Variants in PPM1L observed in about 807,000 individuals in gnomAD.
PPM1L encodes the protein protein phosphatase, Mg2+/Mn2+ dependent 1L, also known as protein phosphatase 1L.
Under a neutral mutation model 31.4 loss-of-function variants are expected in PPM1L, and 13 were observed. That is an observed-to-expected ratio of 0.41 (90% CI 0.27 to 0.66). The LOEUF (loss-of-function observed/expected upper bound fraction) is 0.66. Among genes scored for constraint, PPM1L ranks in the 30% least tolerant of loss-of-function variants. The pLI, the probability that PPM1L is intolerant of heterozygous loss-of-function variation, is 0.29. For missense variants in PPM1L, 326 were observed against 453.7 expected (o/e 0.72, Z 2.56); for synonymous variants, 184 against 175.4 (o/e 1.05, Z -0.39).
intron 1 of PPM1L, among the ~76,000 whole-genome samples, chr3:160,834,224 T>C (rs1713621260): frequency 6.6e-6 from 1 of 151,824 alleles, no homozygotes; most frequent in Non-Finnish European, 1.5e-5. Flanking sequence ...GGGGTTTCAC[T>C]GTGTTAGCCA....
intron 2 of PPM1L, among the ~76,000 whole-genome samples, chr3:161,037,575 C>T (rs527411832): frequency 2.1e-5 from 3 of 143,336 alleles, no homozygotes; most frequent in African/African-American, 5.4e-5. Context: ...CCACCATGCC[C>T]GGCTAATTTT....
At chr3:160,931,366 C>G (rs895370280) in intron 1 of PPM1L, among the ~76,000 whole-genome samples, 2 of 152,116 alleles carry the variant, frequency 1.3e-5, no homozygotes, top group African/African-American at 2.4e-5. Flanking sequence ...GAAGCTGCAC[C>G]CATCACCTGG....
intron 1 of PPM1L, among the ~76,000 whole-genome samples, chr3:160,790,969 GGGA>G (rs1291579766): frequency 6.6e-6 from 1 of 152,106 alleles, no homozygotes; most frequent in Non-Finnish European, 1.5e-5. Flanking sequence ...CAGTGTTCAT[GGGA>G]GGAGGATTCT....
At chr3:161,055,575 T>C in intron 2 of PPM1L, among the ~76,000 whole-genome samples, 1 of 152,156 alleles carries the variant, frequency 6.6e-6, no homozygotes, top group Non-Finnish European at 1.5e-5. Flanking sequence ...GTCAAACCTT[T>C]ACGAGATAAA....
chr3:160,826,339 G>C (rs557988631), intron 1 of PPM1L, among the ~76,000 whole-genome samples: 1 of 152,126 alleles, frequency 6.6e-6, no homozygotes, highest in African/African-American at 2.4e-5. Flanking sequence ...ATGTGGTTTG[G>C]GGTCTTTGTT....
At chr3:161,029,594 C>T (rs1718503081) in intron 2 of PPM1L, among the ~76,000 whole-genome samples, 1 of 152,194 alleles carries the variant, frequency 6.6e-6, no homozygotes, top group Non-Finnish European at 1.5e-5. Context: ...AAAATAATCT[C>T]TAAAAGCACA....
chr3:160,890,025 C>A (rs2108045162), intron 1 of PPM1L, among the ~76,000 whole-genome samples: 1 of 152,164 alleles, frequency 6.6e-6, no homozygotes, highest in East Asian at 1.9e-4. Context: ...TATGACAAAC[C>A]CACAGCCAAT....
Position 160,970,787 on chromosome 3 carries a change from A to ATTCT in PPM1L, c.574+8879_574+8880insCTTT, listed in dbSNP as rs1360956984. ...CAAGCTGATTTTAATTTCAGTTATA[A>ATTCT]TTTTTTTTTTTTTTTTTTTTTTGAG... On this transcript the variant is annotated intron_variant, in intron 2 of 3. Coordinates refer to ENST00000498165, the MANE Select transcript of PPM1L (RefSeq NM_139245.4). Among the ~76,000 whole-genome samples, 10 of 97,194 alleles carry ATTCT rather than the reference A, an allele frequency of 1.0e-4. 3 individuals are homozygous for ATTCT. Among genetic ancestry groups the ATTCT allele is most frequent in the East Asian group, 2.4e-4 (1 of 4,126 alleles). The allele number at this position is 97,194 out of a possible 152,430, so 63.8% of individuals were successfully genotyped here.
At chr3:160,889,968 T>C (rs1713076157) in intron 1 of PPM1L, among the ~76,000 whole-genome samples, 1 of 151,670 alleles carries the variant, frequency 6.6e-6, no homozygotes. Context: ...TGTTAAAAAC[T>C]CAAACTGGGT....
intron 2 of PPM1L, among the ~76,000 whole-genome samples, chr3:161,044,986 A>G (rs1270408581): frequency 6.6e-6 from 1 of 152,216 alleles, no homozygotes; most frequent in Non-Finnish European, 1.5e-5. Flanking sequence ...TCTCTGATAA[A>G]ACAGATTTTA....
intron 2 of PPM1L, among the ~76,000 whole-genome samples, chr3:160,993,388 G>T (rs985038431): frequency 2.6e-5 from 4 of 152,130 alleles, no homozygotes; most frequent in African/African-American, 9.7e-5. Flanking sequence ...GATTTGGGAG[G>T]GTTGGGGGAA....
At chr3:160,904,694 T>C (rs1713681783) in intron 1 of PPM1L, among the ~76,000 whole-genome samples, 1 of 150,894 alleles carries the variant, frequency 6.6e-6, no homozygotes, top group South Asian at 2.1e-4. Flanking sequence ...AGTGTCTTAT[T>C]ATCATAGGCA....
rs904725805 is a variant in PPM1L, at chr3:161,075,565, G to A, written c.*6408G>A. The A allele has an allele frequency of 9.2e-5, 14 of 152,224 alleles. No homozygotes were observed. Among genetic ancestry groups the A allele is most frequent in the Middle Eastern group, 3.4e-3 (1 of 294 alleles). 9.4% of individuals were successfully genotyped at this position (152,224 alleles called of 1,614,324 possible). On this transcript the variant is annotated 3_prime_UTR_variant, in exon 4 of 4. Transcript: ENST00000498165. ...GGGCAGAATCACATTTAAGAAAAATGGTTTGGAACACTTTTTAATAAAAAA... is the reference window on the plus strand; with the variant it reads ...GGGCAGAATCACATTTAAGAAAAATAGTTTGGAACACTTTTTAATAAAAAA...
intron 1 of PPM1L, among the ~76,000 whole-genome samples, chr3:160,822,503 G>C (rs1713229205): frequency 6.6e-6 from 1 of 151,974 alleles, no homozygotes; most frequent in Non-Finnish European, 1.5e-5. Flanking sequence ...TTTGATATGT[G>C]TATTTGTTAT....
chr3:160,962,765 A>G (rs1716008817), intron 2 of PPM1L, among the ~76,000 whole-genome samples: 1 of 151,962 alleles, frequency 6.6e-6, no homozygotes. Context: ...CTTTCTTACC[A>G]TTTGATTTCA....
intron 1 of PPM1L, among the ~76,000 whole-genome samples, chr3:160,840,601 T>C (rs926958115): frequency 6.6e-6 from 1 of 152,054 alleles, no homozygotes; most frequent in Non-Finnish European, 1.5e-5. Context: ...GGTGTAACTC[T>C]CAATCTATGG....
chr3:160,840,945 A>G (rs1713860433), intron 1 of PPM1L, among the ~76,000 whole-genome samples: 1 of 152,146 alleles, frequency 6.6e-6, no homozygotes, highest in Non-Finnish European at 1.5e-5. Flanking sequence ...TCAAATGTCA[A>G]ATCTCTTCTG....
At chr3:160,926,258 TC>T (rs1213988468) in intron 1 of PPM1L, among the ~76,000 whole-genome samples, 1 of 152,236 alleles carries the variant, frequency 6.6e-6, no homozygotes, top group African/African-American at 2.4e-5. Context: ...CTTAAAGATT[TC>T]TGAGCCATAA....
At chr3:160,813,531 G>A (rs1212130143) in intron 1 of PPM1L, among the ~76,000 whole-genome samples, 1 of 151,990 alleles carries the variant, frequency 6.6e-6, no homozygotes, top group Non-Finnish European at 1.5e-5. Context: ...GTAGAGACAG[G>A]GTTTCACCAT....
Sources: allele counts gnomAD v4.1 joint callset (sites outside exome capture counted in the v4.1 genomes callset), GRCh38; gene constraint gnomAD v4.1.1; transcripts MANE v1.5; gene names NCBI Gene and HGNC (gene_info 2026-07-23, HGNC 2026-07-21).